Variants in MAD1L1 observed in about 807,000 individuals in gnomAD.
MAD1L1 encodes mitotic arrest deficient 1 like 1, also known as mitotic spindle assembly checkpoint protein MAD1.
MAD1L1 carries 95 observed loss-of-function variants against 96.9 expected under a neutral mutation model. That is an observed-to-expected ratio of 0.98 (90% confidence interval 0.83 to 1.16). The LOEUF (loss-of-function observed/expected upper bound fraction) is 1.16, where lower values mean the gene tolerates loss of function less well. Ranked by LOEUF, MAD1L1 falls within the 50% of genes most tolerant of loss-of-function variation. The pLI is 0.00. For synonymous variants in MAD1L1, 473 were observed against 396.6 expected (o/e 1.19, Z -2.29); for missense variants, 1,007 against 954.4 (o/e 1.06, Z -0.73).
In MAD1L1 at chr7:2,056,302, C is replaced by A. The variant is rs540188708; in HGVS notation, c.1218+12892G>T. ...AAGAGAAATCGTGCCGATCATGAAGCCTCAGACCTAAAGAGGGGTGTGGAG... is the reference window on the plus strand; with the variant it reads ...AAGAGAAATCGTGCCGATCATGAAGACTCAGACCTAAAGAGGGGTGTGGAG... On this transcript the variant is annotated intron_variant, in intron 12 of 18. Transcript: ENST00000265854. Among the ~76,000 whole-genome samples, 9 of 152,324 alleles carry A rather than the reference C, an allele frequency of 5.9e-5. No homozygotes were observed. In the South Asian group the frequency reaches 1.7e-3, roughly 28 times the overall value.
chr7:1,905,182 A>G (rs1223847352), intron 17 of MAD1L1, among the ~76,000 whole-genome samples: 1 of 95,340 alleles, frequency 1.0e-5, no homozygotes, highest in Non-Finnish European at 2.3e-5. Flanking sequence ...GTGAGGACGC[A>G]GTGGCCTACG....
intron 11 of MAD1L1, among the ~76,000 whole-genome samples, chr7:2,136,994 C>A (rs1049623721): frequency 3.3e-5 from 5 of 152,200 alleles, no homozygotes; most frequent in African/African-American, 9.6e-5. Context: ...TTGGCAGTGC[C>A]GGGCATGAGA....
chr7:2,195,889 A>T (rs1791961041), intron 10 of MAD1L1, among the ~76,000 whole-genome samples: 1 of 152,260 alleles, frequency 6.6e-6, no homozygotes, highest in Non-Finnish European at 1.5e-5. Context: ...TCTGAAAAAG[A>T]AGCTATCAGC....
chr7:1,837,644 AAACT>A (rs1218154430), intron 18 of MAD1L1, among the ~76,000 whole-genome samples: 2 of 152,264 alleles, frequency 1.3e-5, no homozygotes, highest in African/African-American at 4.8e-5. Flanking sequence ...GATAAATCTC[AAACT>A]AACTACGCTT....
intron 18 of MAD1L1, among the ~76,000 whole-genome samples, chr7:1,869,715 G>A (rs145803985): frequency 9.8e-5 from 15 of 152,310 alleles, no homozygotes; most frequent in South Asian, 4.1e-4. Context: ...ACACTAGCAC[G>A]GGTTGAGGGG....
chr7:1,985,145 G>A (rs1380170928), intron 14 of MAD1L1, among the ~76,000 whole-genome samples: 2 of 152,214 alleles, frequency 1.3e-5, no homozygotes, highest in Non-Finnish European at 2.9e-5. Context: ...GTCTGGGAGG[G>A]TTTGTGGATG....
rs148802272 is a variant in MAD1L1, at chr7:1,899,603, A to C, written c.1808-1213T>G. Among the ~76,000 whole-genome samples, 1,263 of 152,320 alleles carry C rather than the reference A, an allele frequency of 8.3e-3. 15 individuals are homozygous for C. Among genetic ancestry groups the C allele is most frequent in the African/African-American group, 0.029 (1,209 of 41,566 alleles). On this transcript the variant is annotated intron_variant, in intron 17 of 18. Coordinates refer to ENST00000265854, the MANE Select transcript of MAD1L1 (RefSeq NM_001013836.2). ...TGGAGAGAACAAGGGTTCCAACTCC[A>C]GGCAGCGCCCGGGGGGAGGCTGGTC...
intron 17 of MAD1L1, among the ~76,000 whole-genome samples, chr7:1,914,363 C>T (rs1788235420): frequency 6.6e-6 from 1 of 152,220 alleles, no homozygotes; most frequent in Non-Finnish European, 1.5e-5. Context: ...TGGTGGCCCG[C>T]TACAATCACG....
chr7:1,993,341 C>T (rs572142075), intron 14 of MAD1L1, among the ~76,000 whole-genome samples: 4 of 152,332 alleles, frequency 2.6e-5, no homozygotes, highest in African/African-American at 9.6e-5. Flanking sequence ...GCTTGCCTTC[C>T]CATGTCAGTC....
At chr7:1,841,843 C>G (rs999720602) in intron 18 of MAD1L1, among the ~76,000 whole-genome samples, 1 of 152,232 alleles carries the variant, frequency 6.6e-6, no homozygotes, top group Non-Finnish European at 1.5e-5. Context: ...CTTCTGCCCT[C>G]GCATGAGTCT....
intron 18 of MAD1L1, among the ~76,000 whole-genome samples, chr7:1,855,539 C>G (rs1271434498): frequency 6.6e-6 from 1 of 151,948 alleles, no homozygotes; most frequent in Non-Finnish European, 1.5e-5. Flanking sequence ...AAAACACGGC[C>G]CGGGCCCAGC....
chr7:1,995,064 T>C (rs1350076646), intron 14 of MAD1L1, among the ~76,000 whole-genome samples: 1 of 152,212 alleles, frequency 6.6e-6, no homozygotes, highest in Non-Finnish European at 1.5e-5. Flanking sequence ...AGGGTCTCTG[T>C]TCCCTCAGAC....
Position 1,838,753 on chromosome 7 carries a change from C to T in MAD1L1, c.1999-22525G>A, listed in dbSNP as rs780592010. 1.4e-4 allele frequency: 65 copies of T among 471,132 alleles called. 1 individual carries two copies. Among genetic ancestry groups the T allele is most frequent in the South Asian group, 9.0e-4 (58 of 64,562 alleles). The allele number at this position is 471,132 out of a possible 1,614,324, so 29.2% of individuals were successfully genotyped here. A position where few individuals can be genotyped will look rare whatever the true frequency, so the allele number is the denominator to read the frequency against. On this transcript the variant is annotated intron_variant, in intron 18 of 18. Transcript: ENST00000265854. The stretch of plus-strand genomic sequence containing the variant: ...AAGATAGACTGTGATGATGGCTGCA[C>T]GCTCTGTAGATGACATCTCAATCAA...
At chr7:1,834,077 A>G (rs1782832995) in intron 18 of MAD1L1, among the ~76,000 whole-genome samples, 1 of 152,234 alleles carries the variant, frequency 6.6e-6, no homozygotes, top group African/African-American at 2.4e-5. Flanking sequence ...CTTCTAAATA[A>G]CCCATACGTC....
intron 10 of MAD1L1, among the ~76,000 whole-genome samples, chr7:2,205,141 A>G (rs1274099214): frequency 2.3e-5 from 3 of 131,728 alleles, no homozygotes; most frequent in Admixed American, 1.7e-4. Flanking sequence ...GATAACTATG[A>G]GAGGAATGTA....
At chr7:2,160,782 C>T (rs1790068250) in intron 10 of MAD1L1, among the ~76,000 whole-genome samples, 1 of 152,028 alleles carries the variant, frequency 6.6e-6, no homozygotes, top group South Asian at 2.1e-4. Context: ...GCCGGGCTAG[C>T]CACTGGATAC....
At chr7:2,032,511 G>A (rs757063689) in intron 12 of MAD1L1, among the ~76,000 whole-genome samples, 1 of 152,234 alleles carries the variant, frequency 6.6e-6, no homozygotes, top group Non-Finnish European at 1.5e-5. Flanking sequence ...TACCCAAACA[G>A]CTCTGACATC....
intron 11 of MAD1L1, among the ~76,000 whole-genome samples, chr7:2,100,990 C>T (rs1426691675): frequency 6.6e-6 from 1 of 152,236 alleles, no homozygotes; most frequent in Non-Finnish European, 1.5e-5. Context: ...AACGAAGCCT[C>T]ATTTGCACGT....
chr7:2,041,476 T>G (rs1783671375), intron 12 of MAD1L1, among the ~76,000 whole-genome samples: 1 of 152,222 alleles, frequency 6.6e-6, no homozygotes, highest in African/African-American at 2.4e-5. Context: ...TGCTGCTTTC[T>G]GTAATTTTTC....
Sources: allele counts gnomAD v4.1 joint callset (sites outside exome capture counted in the v4.1 genomes callset), GRCh38; gene constraint gnomAD v4.1.1; transcripts MANE v1.5; gene names NCBI Gene and HGNC (gene_info 2026-07-23, HGNC 2026-07-21).